The following IL1RAPL2 variants were observed in gnomAD, a reference collection of about 807,000 sequenced individuals.
IL1RAPL2 encodes the protein interleukin 1 receptor accessory protein like 2.
IL1RAPL2 carries 3 observed loss-of-function variants against 44.1 expected under a neutral mutation model. The ratio of observed to expected loss-of-function variants is 0.07; its 90% confidence interval spans 0.03 to 0.18. IL1RAPL2 has a LOEUF of 0.18. Among genes scored for constraint, IL1RAPL2 ranks in the 10% least tolerant of loss-of-function variants. The pLI, the probability that IL1RAPL2 is intolerant of heterozygous loss-of-function variation, is 1.00. For missense variants in IL1RAPL2, 391 were observed against 496.4 expected (o/e 0.79, Z 2.02); for synonymous variants, 181 against 178.8 (o/e 1.01, Z -0.10).
At chrX:105,135,782 G>A (rs973980201) in intron 2 of IL1RAPL2, among the ~76,000 whole-genome samples, 6 of 111,508 alleles carry the variant, frequency 5.4e-5, no homozygotes, top group African/African-American at 2.0e-4. Flanking sequence ...CTTCCACAAG[G>A]AGATATGTTA....
intron 2 of IL1RAPL2, among the ~76,000 whole-genome samples, chrX:104,769,402 CAAGG>C (rs1258609219): frequency 2.7e-5 from 3 of 111,695 alleles, no homozygotes; most frequent in Non-Finnish European, 3.8e-5. Flanking sequence ...CTTAATAAGA[CAAGG>C]AAGAGCCATG....
chrX:105,643,946 C>T (rs1253971256), intron 6 of IL1RAPL2, among the ~76,000 whole-genome samples: 1 of 111,463 alleles, frequency 9.0e-6, no homozygotes, highest in African/African-American at 3.3e-5. Context: ...GGCTGGAGTG[C>T]AGTGGCACGA....
At chrX:105,276,104 C>T (rs1477451139) in intron 5 of IL1RAPL2, among the ~76,000 whole-genome samples, 8 of 112,520 alleles carry the variant, frequency 7.1e-5, no homozygotes, top group African/African-American at 1.6e-4. Flanking sequence ...CAGAGGTAGC[C>T]GCTAACAATA....
intron 2 of IL1RAPL2, among the ~76,000 whole-genome samples, chrX:104,885,079 G>T (rs1011606068): frequency 8.9e-6 from 1 of 111,921 alleles, no homozygotes; most frequent in African/African-American, 3.2e-5. Context: ...GTCCTACAGG[G>T]TCTAGGGCAA....
intron 2 of IL1RAPL2, among the ~76,000 whole-genome samples, chrX:105,176,018 A>G (rs1055265608): frequency 9.0e-6 from 1 of 111,132 alleles, no homozygotes; most frequent in African/African-American, 3.3e-5. Flanking sequence ...ACAAATAATA[A>G]TGGGTGCAGA....
At chrX:104,894,252 A>G (rs187024213) in intron 2 of IL1RAPL2, among the ~76,000 whole-genome samples, 3 of 111,007 alleles carry the variant, frequency 2.7e-5, no homozygotes, top group Admixed American at 1.9e-4. Context: ...GAATCTGACA[A>G]TTTTGTGTCT....
At chrX:105,180,090 A>T (rs782689352) in intron 2 of IL1RAPL2, among the ~76,000 whole-genome samples, 1 of 110,675 alleles carries the variant, frequency 9.0e-6, no homozygotes, top group Non-Finnish European at 1.9e-5. Flanking sequence ...TAATCCCAGT[A>T]CTTTGGGAGG....
intron 2 of IL1RAPL2, among the ~76,000 whole-genome samples, chrX:104,790,058 T>C (rs980027384): frequency 1.8e-5 from 2 of 112,438 alleles, no homozygotes; most frequent in African/African-American, 3.2e-5. Context: ...CTGGGGAAGC[T>C]GGCACTCTGC....
intron 6 of IL1RAPL2, among the ~76,000 whole-genome samples, chrX:105,663,303 G>A (rs1028463269): frequency 1.5e-4 from 17 of 111,668 alleles, no homozygotes; most frequent in Non-Finnish European, 1.9e-4. Flanking sequence ...AGTATATTAC[G>A]AAAAGTTAAA....
chrX:105,720,758 T>C (rs1012078023), intron 7 of IL1RAPL2, among the ~76,000 whole-genome samples: 1 of 111,121 alleles, frequency 9.0e-6, no homozygotes, highest in African/African-American at 3.3e-5. Context: ...AGACATAAAT[T>C]TAATTTTTAG....
chrX:104,840,427 G>T (rs1197331383), intron 2 of IL1RAPL2, among the ~76,000 whole-genome samples: 3 of 111,915 alleles, frequency 2.7e-5, no homozygotes, highest in Non-Finnish European at 5.6e-5. Flanking sequence ...TGGTCTGAGA[G>T]ACTGTTTGTT....
At chrX:105,034,231 G>A (rs951987925) in intron 2 of IL1RAPL2, among the ~76,000 whole-genome samples, 7 of 112,293 alleles carry the variant, frequency 6.2e-5, no homozygotes, top group Non-Finnish European at 1.3e-4. Context: ...ACTCGTCAAA[G>A]TCATTCTCCA....
chrX:105,311,673 T>C (rs778024904), intron 5 of IL1RAPL2, among the ~76,000 whole-genome samples: 2 of 108,006 alleles, frequency 1.9e-5, no homozygotes, highest in East Asian at 2.9e-4. Flanking sequence ...CAGACACACA[T>C]ATATATAATT....
intron 3 of IL1RAPL2, among the ~76,000 whole-genome samples, chrX:105,211,925 C>T (rs782576369): frequency 4.1e-4 from 46 of 112,113 alleles, no homozygotes; most frequent in Middle Eastern, 4.6e-3. Flanking sequence ...GACAATGCTA[C>T]CCAGCTGGGT....
In IL1RAPL2 at chrX:105,762,446, CAG is replaced by C. The variant is rs1305294898; in HGVS notation, c.1364-4514_1364-4513del. Reference sequence around the variant, plus strand: ...TTCCTAACTCTCTGTCAACTCCCAGCAGAGACAAAAGAAAAAGTTTTATTTCA... The same window carrying C: ...TTCCTAACTCTCTGTCAACTCCCAGCAGACAAAAGAAAAAGTTTTATTTCA... On this transcript the variant is annotated intron_variant, in intron 10 of 10. Coordinates refer to ENST00000372582, the MANE Select transcript of IL1RAPL2 (RefSeq NM_017416.2). Among the ~76,000 whole-genome samples the C allele has an allele frequency of 1.5e-4, 17 of 111,822 alleles. 1 individual carries two copies. Among genetic ancestry groups the C allele is most frequent in the Admixed American group, 1.4e-3 (15 of 10,525 alleles).
chrX:104,765,619 A>G (rs1220205762), intron 2 of IL1RAPL2, among the ~76,000 whole-genome samples: 1 of 112,043 alleles, frequency 8.9e-6, no homozygotes, highest in Non-Finnish European at 1.9e-5. Context: ...CTTGTATTTT[A>G]GATTTATCTC....
chrX:104,868,538 T>A (rs1922679918), intron 2 of IL1RAPL2, among the ~76,000 whole-genome samples: 1 of 112,332 alleles, frequency 8.9e-6, no homozygotes, highest in Non-Finnish European at 1.9e-5. Flanking sequence ...AAGAACTTGA[T>A]AACTTGTCCC....
At chrX:105,418,349 C>T (rs1322248909) in intron 5 of IL1RAPL2, among the ~76,000 whole-genome samples, 1 of 111,156 alleles carries the variant, frequency 9.0e-6, no homozygotes, top group African/African-American at 3.3e-5. Flanking sequence ...AATTCAAATT[C>T]CCCCTTTTTG....
At chrX:105,473,466 A>T (rs946850573) in intron 5 of IL1RAPL2, among the ~76,000 whole-genome samples, 2 of 112,063 alleles carry the variant, frequency 1.8e-5, no homozygotes, top group African/African-American at 6.5e-5. Flanking sequence ...ATATCACATC[A>T]CAAATAATGT....
Sources: gnomAD v4.1 joint callset for allele counts (sites outside exome capture counted in the v4.1 genomes callset) on GRCh38, gnomAD v4.1.1 for gene constraint, MANE v1.5 for transcripts, NCBI Gene and HGNC (gene_info 2026-07-23, HGNC 2026-07-21) for gene names.